BCAS1: variants seen among roughly 807,000 people sequenced by gnomAD.
The protein encoded by BCAS1 is brain enriched myelin associated protein 1.
In BCAS1, 46 loss-of-function variants were observed where a neutral mutation model predicts 65.4. The observed-to-expected ratio is 0.70, with a 90% CI of 0.55 to 0.90. The LOEUF is 0.90. Ranked by LOEUF, BCAS1 falls within the 40% of genes least tolerant of loss-of-function variation. BCAS1 has a pLI of 0.00. For synonymous variants in BCAS1, 298 were observed against 293.5 expected, an observed-to-expected ratio of 1.02 and a Z score of -0.16; for missense variants, 793 against 771.2, an observed-to-expected ratio of 1.03 and a Z score of -0.33.
At chr20:53,950,489 C>T (rs1241512242) in intron 12 of BCAS1, among the ~76,000 whole-genome samples, 1 of 151,550 alleles carries the variant, frequency 6.6e-6, no homozygotes, top group African/African-American at 2.4e-5. Flanking sequence ...CATCCATACT[C>T]AGGCAAACTC....
chr20:54,048,576 T>G (rs2146263705), intron 3 of BCAS1, among the ~76,000 whole-genome samples: 1 of 152,332 alleles, frequency 6.6e-6, no homozygotes, highest in Admixed American at 6.5e-5. Flanking sequence ...AGAGATGTGA[T>G]GTTTGGTTCT....
chr20:54,056,267 T>C (rs1235596018), intron 3 of BCAS1, among the ~76,000 whole-genome samples: 1 of 152,090 alleles, frequency 6.6e-6, no homozygotes, highest in African/African-American at 2.4e-5. Flanking sequence ...CATGGAATAC[T>C]ACTCAACCAT....
In BCAS1 at chr20:54,005,795, G is replaced by A. The variant is rs78488257; in HGVS notation, c.724-9745C>T. ...GCAAGTAGACTCGCAGAAACAGGGA[G>A]GAATGCGGGATGGTGATGGAGAAAT... On this transcript the variant is annotated intron_variant, in intron 4 of 12. Transcript: ENST00000688948. Among the ~76,000 whole-genome samples, 1,418 of 152,286 alleles carry A rather than the reference G, an allele frequency of 9.3e-3. 27 individuals carry two copies. The highest frequency in any genetic ancestry group is 0.032 in the African/African-American group (1,327 of 41,558).
At chr20:53,970,294 T>C (rs1600737900) in intron 9 of BCAS1, among the ~76,000 whole-genome samples, 3 of 152,240 alleles carry the variant, frequency 2.0e-5, no homozygotes, top group Middle Eastern at 3.4e-3. Context: ...TAAAAAAATA[T>C]AGTACTTCTG....
chr20:54,001,663 C>T (rs376791090), intron 4 of BCAS1, among the ~76,000 whole-genome samples: 11 of 152,256 alleles, frequency 7.2e-5, no homozygotes, highest in Admixed American at 2.0e-4. Flanking sequence ...GCATTCTCCA[C>T]GCCTTAGCAA....
At position 54,028,678 on chromosome 20, in the gene BCAS1, G is replaced by T. The variant is rs755981737; in HGVS notation, c.437C>A (p.Pro146Gln). The T allele has an allele frequency of 1.2e-6, 2 of 1,614,124 alleles. No individual in the cohort carries two copies. The highest frequency in any genetic ancestry group is 1.7e-6 in the Non-Finnish European group (2 of 1,180,012). Residue 146 changes from proline (P) to glutamine (Q), a missense_variant, in exon 4 of 13, where the codon CCG (proline) becomes CAG (glutamine). Coordinates refer to ENST00000688948, the MANE Select transcript of BCAS1 (RefSeq NM_001366298.2). ...TGGGGTTTTATCTGTGTCCTGCCCCGGTCCAGCTGCCACCGGAAGTGTCCA... is the reference window on the plus strand; with the variant it reads ...TGGGGTTTTATCTGTGTCCTGCCCCTGTCCAGCTGCCACCGGAAGTGTCCA... ...ESWTLPVAAG[P>Q]GQDTDKTPGH... is the part of the protein sequence containing the mutation.
intron 8 of BCAS1, among the ~76,000 whole-genome samples, chr20:53,981,340 A>T (rs2090473037): frequency 6.6e-6 from 1 of 152,174 alleles, no homozygotes; most frequent in South Asian, 2.1e-4. Context: ...AGGTGTTAAA[A>T]TCTGTATTTG....
intron 12 of BCAS1, among the ~76,000 whole-genome samples, chr20:53,952,812 A>G (rs191130572): frequency 2.0e-5 from 3 of 152,352 alleles, no homozygotes; most frequent in African/African-American, 2.4e-5. Flanking sequence ...TGTTTGGCCT[A>G]TAAAATCTTA....
chr20:54,023,883 C>A (rs983461544), intron 4 of BCAS1, among the ~76,000 whole-genome samples: 2 of 152,118 alleles, frequency 1.3e-5, no homozygotes, highest in African/African-American at 4.8e-5. Flanking sequence ...ACTGTGCTAT[C>A]TCTGTGAGTT....
intron 10 of BCAS1, among the ~76,000 whole-genome samples, chr20:53,964,128 A>G (rs565207533): frequency 2.8e-4 from 42 of 147,694 alleles, no homozygotes; most frequent in Middle Eastern, 6.8e-3. Flanking sequence ...AAAACATACC[A>G]CATGTCCATC....
At position 53,966,861 on chromosome 20, in the gene BCAS1, G is replaced by A. The variant is rs188719183; in HGVS notation, c.1485+45C>T. 91 of 1,543,086 alleles carry A rather than the reference G, an allele frequency of 5.9e-5. No individual in the cohort carries two copies. In the East Asian group the frequency reaches 6.4e-4, roughly 11 times the overall value. The stretch of plus-strand genomic sequence containing the variant: ...CATGAGCCCATTGTTCCCAGAAGCC[G>A]CTCTAGGTATCTTAGGTTTCCTATA... On this transcript the variant is annotated intron_variant, in intron 10 of 12. Coordinates refer to ENST00000688948, the MANE Select transcript of BCAS1 (RefSeq NM_001366298.2).
chr20:54,035,214 C>T (rs558188632), intron 3 of BCAS1, among the ~76,000 whole-genome samples: 65 of 150,728 alleles, frequency 4.3e-4, no homozygotes, highest in African/African-American at 1.5e-3. Context: ...AGATCGAGAA[C>T]ACGGTGAAAC....
intron 11 of BCAS1, among the ~76,000 whole-genome samples, chr20:53,953,916 G>C (rs1600696188): frequency 1.3e-5 from 2 of 152,128 alleles, no homozygotes; most frequent in African/African-American, 4.8e-5. Context: ...TACATTTTAT[G>C]CTATCCCAGA....
chr20:53,958,518 G>A (rs560546406), intron 10 of BCAS1, among the ~76,000 whole-genome samples: 9 of 152,308 alleles, frequency 5.9e-5, no homozygotes, highest in African/African-American at 1.7e-4. Context: ...TTAGCAGACC[G>A]TAAGAATCCA....
intron 1 of BCAS1, among the ~76,000 whole-genome samples, chr20:54,068,868 G>A (rs556295997): frequency 6.6e-6 from 1 of 151,926 alleles, no homozygotes; most frequent in African/African-American, 2.4e-5. Flanking sequence ...AGGTGCAAAG[G>A]TACCCCCGCC....
chr20:54,068,517 A>C (rs924949465), intron 1 of BCAS1: 1 of 153,176 alleles, frequency 6.5e-6, no homozygotes, highest in Non-Finnish European at 1.5e-5. Flanking sequence ...CCTTGCCCTG[A>C]CCCTGGTGCC....
rs2090869149 is a variant in BCAS1 at position 53,995,032 on chromosome 20, T to C, written c.907A>G (p.Lys303Glu). 1.2e-6 allele frequency: 2 copies of C among 1,613,604 alleles called. No homozygotes were observed. The highest frequency in any genetic ancestry group is 4.5e-5 in the East Asian group (2 of 44,844). The change falls in exon 6 of 13, where the codon AAA (lysine) becomes GAA (glutamate). Residue 303 changes from lysine (K) to glutamate (E), a missense_variant. Coordinates refer to ENST00000688948, the MANE Select transcript of BCAS1 (RefSeq NM_001366298.2). ...TLVSPNKAET[K>E]KDPEDTASKA... ...CCTACCGTGTCTTCTGGGTCCTTTT[T>C]TGTTTCAGCTTTGTTAGGTGAAACC...
chr20:53,946,505 G>GTATATATATATATA (rs71196434), intron 12 of BCAS1, among the ~76,000 whole-genome samples: 15 of 145,922 alleles, frequency 1.0e-4, no homozygotes, highest in Admixed American at 5.5e-4. Context: ...ATTGTATACA[G>GTATATATATATATA]TATATATATA....
At chr20:53,979,740 G>A (rs546423521) in intron 8 of BCAS1, among the ~76,000 whole-genome samples, 1 of 152,306 alleles carries the variant, frequency 6.6e-6, no homozygotes, top group African/African-American at 2.4e-5. Flanking sequence ...TGGGATTTGT[G>A]TGGGCATGGA....
Sources: gnomAD v4.1 joint callset for allele counts (sites outside exome capture counted in the v4.1 genomes callset) on GRCh38, gnomAD v4.1.1 for gene constraint, MANE v1.5 for transcripts, NCBI Gene and HGNC (gene_info 2026-07-23, HGNC 2026-07-21) for gene names.